PIK3C2G: variants seen among roughly 807,000 people sequenced by gnomAD.
The protein encoded by PIK3C2G is phosphatidylinositol 3-kinase C2 domain-containing subunit gamma.
In PIK3C2G, 168 loss-of-function variants were observed where a neutral mutation model predicts 181.1. That is an observed-to-expected ratio of 0.93 (90% CI 0.82 to 1.05). The LOEUF is 1.05. Ranked by LOEUF, PIK3C2G falls within the 50% of genes least tolerant of loss-of-function variation. PIK3C2G has a pLI of 0.00. For missense variants in PIK3C2G, 1,869 were observed against 1,732.8 expected (o/e 1.08, Z -1.40); for synonymous variants, 573 against 592.2 (o/e 0.97, Z 0.47).
At chr12:18,251,395 A>T (rs1221629989) in intron 1 of PIK3C2G, among the ~76,000 whole-genome samples, 2 of 151,982 alleles carry the variant, frequency 1.3e-5, no homozygotes, top group African/African-American at 2.4e-5. Flanking sequence ...CTTGTTGTTT[A>T]CTACCTGTTA....
intron 13 of PIK3C2G, among the ~76,000 whole-genome samples, chr12:18,373,702 A>T (rs910716606): frequency 2.6e-5 from 4 of 151,984 alleles, no homozygotes; most frequent in Non-Finnish European, 5.9e-5. Flanking sequence ...ATACAAAAAA[A>T]ATTAGCCGGC....
At chr12:18,452,908 G>C (rs1947442693) in intron 18 of PIK3C2G, among the ~76,000 whole-genome samples, 1 of 152,076 alleles carries the variant, frequency 6.6e-6, no homozygotes, top group Non-Finnish European at 1.5e-5. Flanking sequence ...ATTCTATTTT[G>C]GTTGCACTGT....
intron 4 of PIK3C2G, among the ~76,000 whole-genome samples, chr12:18,291,984 A>G (rs1177009121): frequency 6.6e-6 from 1 of 151,094 alleles, no homozygotes; most frequent in Non-Finnish European, 1.5e-5. Flanking sequence ...CGAGGCAGGC[A>G]GATCACCTGA....
At chr12:18,489,535 A>G (rs1940364072) in intron 19 of PIK3C2G, among the ~76,000 whole-genome samples, 1 of 152,216 alleles carries the variant, frequency 6.6e-6, no homozygotes. Flanking sequence ...AAACTATGCT[A>G]CTTCACCTTC....
Position 18,423,799 on chromosome 12 carries a change from C to G in PIK3C2G, c.2410-146C>G, listed in dbSNP as rs1333393670. On this transcript the variant is annotated intron_variant, in intron 17 of 32. Coordinates refer to ENST00000538779, the MANE Select transcript of PIK3C2G (RefSeq NM_001288772.2). ...TGTTTTGTTATTAGTCATATACCGACTCATAAAATCATCGAATGTGTTATT... is the reference window on the plus strand; with the variant it reads ...TGTTTTGTTATTAGTCATATACCGAGTCATAAAATCATCGAATGTGTTATT... 4 of 612,378 alleles carry G rather than the reference C, an allele frequency of 6.5e-6. No homozygotes were observed. In the African/African-American group the frequency reaches 7.4e-5, roughly 11 times the overall value. 37.9% of individuals were successfully genotyped at this position (612,378 alleles called of 1,614,324 possible).
At chr12:18,306,182 T>C (rs977670370) in intron 5 of PIK3C2G, among the ~76,000 whole-genome samples, 6 of 152,060 alleles carry the variant, frequency 3.9e-5, no homozygotes, top group Non-Finnish European at 8.8e-5. Flanking sequence ...GATAGTTGCC[T>C]TTTTATAGGC....
the PIK3C2G span, among the ~76,000 whole-genome samples, chr12:18,688,768 C>G: frequency 6.6e-6 from 1 of 151,670 alleles, no homozygotes; most frequent in Non-Finnish European, 1.5e-5. Context: ...ATTGTTGAAG[C>G]AAAAATGTGT....
At chr12:18,448,687 T>A (rs1947166083) in intron 18 of PIK3C2G, among the ~76,000 whole-genome samples, 1 of 152,052 alleles carries the variant, frequency 6.6e-6, no homozygotes, top group Non-Finnish European at 1.5e-5. Context: ...AGTTTATCCA[T>A]GTTGTAGAAA....
At chr12:18,318,874 C>T (rs1006681026) in intron 6 of PIK3C2G, among the ~76,000 whole-genome samples, 4 of 151,122 alleles carry the variant, frequency 2.6e-5, no homozygotes, top group Admixed American at 2.6e-4. Context: ...GTGGGCAGAT[C>T]ACCTGAGGTC....
At chr12:18,273,583 G>T (rs11043994) in intron 1 of PIK3C2G, among the ~76,000 whole-genome samples, 4 of 152,018 alleles carry the variant, frequency 2.6e-5, no homozygotes, top group Admixed American at 2.0e-4. Flanking sequence ...AATGGTGCTG[G>T]GAAAACTGGC....
downstream of PIK3C2G, among the ~76,000 whole-genome samples, chr12:18,651,113 T>C (rs1167787680): frequency 6.6e-6 from 1 of 152,034 alleles, no homozygotes; most frequent in Non-Finnish European, 1.5e-5. Context: ...ACTCTTATTA[T>C]ATCCTCCTAT....
At chr12:18,381,672 T>A in intron 13 of PIK3C2G, 94 bp from the exon 14 acceptor site, 1 of 750,984 alleles carries the variant, frequency 1.3e-6, no homozygotes, top group Non-Finnish European at 2.3e-6. Flanking sequence ...AAGAGCGGAT[T>A]ATGTTTATAT....
At chr12:18,299,135 G>A (rs1286574780) in intron 5 of PIK3C2G, among the ~76,000 whole-genome samples, 1 of 151,880 alleles carries the variant, frequency 6.6e-6, no homozygotes, top group Admixed American at 6.6e-5. Flanking sequence ...AGATTGGGTA[G>A]TATGGTCAAA....
the PIK3C2G span, among the ~76,000 whole-genome samples, chr12:18,670,255 C>T: frequency 5.7e-4 from 86 of 152,104 alleles, no homozygotes; most frequent in African/African-American, 2.0e-3. Flanking sequence ...TATCAGATTG[C>T]TACATTTCTC....
At chr12:18,684,047 A>G in the PIK3C2G span, 7 of 1,463,538 alleles carry the variant, frequency 4.8e-6, 1 homozygote, top group Admixed American at 1.8e-5. Flanking sequence ...TGATAGAGCT[A>G]TTTGGTATGT....
At chr12:18,568,430 C>T (rs1945753795) in intron 29 of PIK3C2G, among the ~76,000 whole-genome samples, 2 of 149,066 alleles carry the variant, frequency 1.3e-5, no homozygotes, top group East Asian at 3.9e-4. Context: ...GTGTGTGAGA[C>T]AGAGAGAGAA....
At chr12:18,623,695 T>C (rs1282454211) in intron 31 of PIK3C2G, among the ~76,000 whole-genome samples, 2 of 151,800 alleles carry the variant, frequency 1.3e-5, no homozygotes, top group African/African-American at 4.8e-5. Flanking sequence ...TCCACGTATT[T>C]GTGTTTTCTT....
intron 18 of PIK3C2G, among the ~76,000 whole-genome samples, chr12:18,459,956 G>T (rs1047105913): frequency 1.3e-5 from 2 of 152,110 alleles, no homozygotes; most frequent in African/African-American, 4.8e-5. Flanking sequence ...GTAGAGACGG[G>T]GTTTCACTAT....
the PIK3C2G span, among the ~76,000 whole-genome samples, chr12:18,658,797 T>G: frequency 6.6e-6 from 1 of 152,186 alleles, no homozygotes; most frequent in Non-Finnish European, 1.5e-5. Context: ...TACTTTAGCT[T>G]AGGTATTTAC....
Sources: gnomAD v4.1 joint callset for allele counts (sites outside exome capture counted in the v4.1 genomes callset) on GRCh38, gnomAD v4.1.1 for gene constraint, MANE v1.5 for transcripts, NCBI Gene and HGNC (gene_info 2026-07-23, HGNC 2026-07-21) for gene names.